The following RAB38 variants were observed in gnomAD, a reference collection of about 807,000 sequenced individuals.
RAB38 encodes RAB38, member RAS oncogene family, also known as ras-related protein Rab-38.
A neutral mutation model predicts 18.4 loss-of-function variants in RAB38; 15 were observed. The ratio of observed to expected loss-of-function variants is 0.82; its 90% CI spans 0.55 to 1.26. The LOEUF is 1.26. Ranked by LOEUF, RAB38 falls within the 50% of genes most tolerant of loss-of-function variation. The pLI, the probability that RAB38 is intolerant of heterozygous loss-of-function variation, is 0.00. For synonymous variants in RAB38, 101 were observed against 104.4 expected (o/e 0.97, Z 0.20); for missense variants, 294 against 267.4 (o/e 1.10, Z -0.69).
the RAB38 span, among the ~76,000 whole-genome samples, chr11:87,950,540 T>C: frequency 6.6e-6 from 1 of 152,136 alleles, no homozygotes; most frequent in African/African-American, 2.4e-5. Flanking sequence ...TTCCTTTCCA[T>C]GTTTAGTGCT....
At chr11:88,032,649 G>T in the RAB38 span, among the ~76,000 whole-genome samples, 133 of 152,330 alleles carry the variant, frequency 8.7e-4, 1 homozygote, top group African/African-American at 3.0e-3. Context: ...CTGGCCATCA[G>T]AGAAATGCAA....
chr11:88,030,334 C>T, the RAB38 span, among the ~76,000 whole-genome samples: 1 of 152,022 alleles, frequency 6.6e-6, no homozygotes, highest in African/African-American at 2.4e-5. Context: ...AAAGCAAGAG[C>T]AAACACATTC....
chr11:87,942,618 G>A, the RAB38 span, among the ~76,000 whole-genome samples: 13 of 152,264 alleles, frequency 8.5e-5, no homozygotes, highest in Admixed American at 1.3e-4. Context: ...CTGCTGGTAT[G>A]TGGAGCTGAA....
the RAB38 span, among the ~76,000 whole-genome samples, chr11:87,942,643 T>TATCA: frequency 6.6e-6 from 1 of 152,102 alleles, no homozygotes; most frequent in African/African-American, 2.4e-5. Context: ...TCAATTGTAT[T>TATCA]ATCATTTATA....
the RAB38 span, among the ~76,000 whole-genome samples, chr11:87,823,637 G>A: frequency 6.6e-6 from 1 of 152,094 alleles, no homozygotes; most frequent in Non-Finnish European, 1.5e-5. Flanking sequence ...TGACAAAGTT[G>A]CTAATGTCAT....
the RAB38 span, among the ~76,000 whole-genome samples, chr11:87,977,685 CAT>C: frequency 2.2e-3 from 246 of 109,636 alleles, no homozygotes; most frequent in Admixed American, 3.9e-3. Flanking sequence ...TAATATATGT[CAT>C]ATAATATATA....
At chr11:88,076,437 A>T in the RAB38 span, among the ~76,000 whole-genome samples, 8 of 152,170 alleles carry the variant, frequency 5.3e-5, no homozygotes, top group African/African-American at 1.9e-4. Context: ...CAACTAGTCA[A>T]GAGAAATAAA....
intron 1 of RAB38, among the ~76,000 whole-genome samples, chr11:88,159,028 C>T (rs895246083): frequency 4.2e-4 from 64 of 151,722 alleles, no homozygotes; most frequent in Admixed American, 1.6e-3. Context: ...CTAATGACTA[C>T]GAGAACTATA....
At chr11:87,892,343 T>A in the RAB38 span, among the ~76,000 whole-genome samples, 5 of 151,870 alleles carry the variant, frequency 3.3e-5, no homozygotes, top group Admixed American at 3.3e-4. Flanking sequence ...CTGAAAAATA[T>A]AGATCCTTTC....
the RAB38 span, among the ~76,000 whole-genome samples, chr11:87,932,504 A>C: frequency 6.6e-6 from 1 of 152,046 alleles, no homozygotes; most frequent in Non-Finnish European, 1.5e-5. Flanking sequence ...CTGTCACAAC[A>C]GTTTCCTTCT....
chr11:87,906,451 T>C, the RAB38 span, among the ~76,000 whole-genome samples: 1 of 151,960 alleles, frequency 6.6e-6, no homozygotes. Flanking sequence ...CTCTTTATAA[T>C]TGTTGTGAGG....
the RAB38 span, among the ~76,000 whole-genome samples, chr11:88,065,282 G>A: frequency 3.6e-3 from 544 of 152,248 alleles, 1 homozygote; most frequent in African/African-American, 0.012. Flanking sequence ...ATAATTCTTT[G>A]ATCATTCAGT....
the RAB38 span, among the ~76,000 whole-genome samples, chr11:87,948,870 C>G: frequency 6.6e-5 from 10 of 152,116 alleles, no homozygotes; most frequent in African/African-American, 2.4e-4. Context: ...TGTGTCTCTG[C>G]CCGGCTTTGG....
chr11:88,074,468 CT>C, the RAB38 span, among the ~76,000 whole-genome samples: 1 of 152,084 alleles, frequency 6.6e-6, no homozygotes, highest in Non-Finnish European at 1.5e-5. Flanking sequence ...CTAAAATAAG[CT>C]GTCATCTCTT....
chr11:87,938,408 A>G, the RAB38 span, among the ~76,000 whole-genome samples: 1 of 152,070 alleles, frequency 6.6e-6, no homozygotes, highest in African/African-American at 2.4e-5. Flanking sequence ...TGAACGTCTT[A>G]GCTTCCTTAG....
At chr11:88,026,844 G>C in the RAB38 span, among the ~76,000 whole-genome samples, 17 of 152,172 alleles carry the variant, frequency 1.1e-4, no homozygotes, top group Non-Finnish European at 2.1e-4. Context: ...TGGAGAATAG[G>C]ATATTCAGGT....
the RAB38 span, among the ~76,000 whole-genome samples, chr11:87,898,084 C>T: frequency 6.6e-6 from 1 of 151,590 alleles, no homozygotes; most frequent in African/African-American, 2.4e-5. Flanking sequence ...AATATCCCAA[C>T]TCTTCAGGTG....
the RAB38 span, among the ~76,000 whole-genome samples, chr11:88,072,912 C>A: frequency 6.6e-6 from 1 of 152,104 alleles, no homozygotes; most frequent in African/African-American, 2.4e-5. Context: ...CAGGAACATC[C>A]CAGAACTTAA....
the RAB38 span, among the ~76,000 whole-genome samples, chr11:87,825,197 A>C: frequency 2.0e-5 from 3 of 152,166 alleles, no homozygotes; most frequent in Admixed American, 6.6e-5. Flanking sequence ...TCAGACATGC[A>C]TTATCTCCTG....
Sources: gnomAD v4.1 joint callset for allele counts (sites outside exome capture counted in the v4.1 genomes callset) on GRCh38, gnomAD v4.1.1 for gene constraint, MANE v1.5 for transcripts, NCBI Gene and HGNC (gene_info 2026-07-23, HGNC 2026-07-21) for gene names.